SRD5A2: variants seen among roughly 807,000 people sequenced by gnomAD.
SRD5A2 encodes steroid 5 alpha-reductase 2.
SRD5A2 carries 30 observed loss-of-function variants against 27.4 expected under a neutral mutation model. That is an observed-to-expected ratio of 1.10 (90% CI 0.82 to 1.49). The LOEUF is 1.49. Among genes scored for constraint, SRD5A2 ranks in the 40% most tolerant of loss-of-function variants. The probability of loss-of-function intolerance (pLI) is 0.00; values close to 1 mark genes in which losing one functional copy is unlikely to be tolerated. For synonymous variants in SRD5A2, 141 were observed against 133.6 expected (o/e 1.06, Z -0.38); for missense variants, 348 against 323.4 (o/e 1.08, Z -0.58).
At chr2:31,662,795 C>T in the SRD5A2 span, among the ~76,000 whole-genome samples, 2 of 152,260 alleles carry the variant, frequency 1.3e-5, no homozygotes, top group Admixed American at 1.3e-4. Flanking sequence ...GGGCACCCAC[C>T]AAAATCTCTA....
intron 1 of SRD5A2, among the ~76,000 whole-genome samples, chr2:31,536,630 C>T (rs1243552740): frequency 1.3e-5 from 2 of 152,266 alleles, no homozygotes; most frequent in East Asian, 1.9e-4. Context: ...CTAGATGTCC[C>T]GGAGAACAAA....
intron 1 of SRD5A2, among the ~76,000 whole-genome samples, chr2:31,562,078 A>C (rs143527715): frequency 1.2e-3 from 178 of 152,272 alleles, no homozygotes; most frequent in Non-Finnish European, 1.9e-3. Flanking sequence ...CATAACAGGC[A>C]CTTTCACTGT....
chr2:31,597,128 C>A, the SRD5A2 span, among the ~76,000 whole-genome samples: 2 of 152,034 alleles, frequency 1.3e-5, no homozygotes. Context: ...AAAACAGACA[C>A]ATAGACCAAT....
At chr2:31,582,072 A>T (rs1553329691), upstream of SRD5A2, among the ~76,000 whole-genome samples, 1 of 149,150 alleles carries the variant, frequency 6.7e-6, no homozygotes, top group Non-Finnish European at 1.5e-5. Flanking sequence ...CCTGCTGTTT[A>T]CCTCATTCTT....
At chr2:31,586,252 G>A in the SRD5A2 span, among the ~76,000 whole-genome samples, 1 of 152,068 alleles carries the variant, frequency 6.6e-6, no homozygotes, top group African/African-American at 2.4e-5. Context: ...AGAATGCCAG[G>A]TAGACTTCAA....
the SRD5A2 span, among the ~76,000 whole-genome samples, chr2:31,636,638 CTA>C: frequency 6.6e-6 from 1 of 151,846 alleles, no homozygotes; most frequent in African/African-American, 2.4e-5. Flanking sequence ...TTTTCTAAAA[CTA>C]TGTCCCTCCT....
At chr2:31,557,343 C>T (rs1030049068) in intron 1 of SRD5A2, among the ~76,000 whole-genome samples, 9 of 152,306 alleles carry the variant, frequency 5.9e-5, no homozygotes, top group East Asian at 1.9e-4. Context: ...ATAATGACTC[C>T]CAGTGGCAGA....
intron 1 of SRD5A2, chr2:31,563,156 GTCT>G (rs1243976730): frequency 1.3e-5 from 2 of 152,054 alleles, no homozygotes; most frequent in Non-Finnish European, 2.9e-5. Flanking sequence ...ATCCCACTTA[GTCT>G]TCTAAGTAAA....
At position 31,525,640 on chromosome 2, in the gene SRD5A2, A is replaced by T; in HGVS notation, c.*556T>A. The stretch of plus-strand genomic sequence containing the variant: ...CTATGAGGAGAGGGCTCCTGTATTC[A>T]AGGTCTACCTAATAATTTCTCATCT... On this transcript the variant is annotated 3_prime_UTR_variant, in exon 5 of 5. Transcript: ENST00000622030. 1 of 227,918 alleles carries T rather than the reference A, an allele frequency of 4.4e-6. No individual in the cohort carries two copies. The highest frequency in any genetic ancestry group is 6.3e-5 in the East Asian group (1 of 15,922). The allele number at this position is 227,918 out of a possible 1,614,324, so 14.1% of individuals were successfully genotyped here. A position where few individuals can be genotyped will look rare whatever the true frequency, so the allele number is the denominator to read the frequency against.
At chr2:31,642,357 T>C in the SRD5A2 span, among the ~76,000 whole-genome samples, 10 of 152,162 alleles carry the variant, frequency 6.6e-5, no homozygotes, top group African/African-American at 2.4e-4. Flanking sequence ...ACCAAGTCCT[T>C]GCATCTGAAT....
chr2:31,635,838 C>T, the SRD5A2 span, among the ~76,000 whole-genome samples: 5 of 152,032 alleles, frequency 3.3e-5, no homozygotes, highest in African/African-American at 1.2e-4. Context: ...CTTGGTACTC[C>T]TTTCAAAGAT....
chr2:31,541,599 C>T (rs1666130668), intron 1 of SRD5A2, among the ~76,000 whole-genome samples: 1 of 151,570 alleles, frequency 6.6e-6, no homozygotes, highest in Non-Finnish European at 1.5e-5. Context: ...ACACAAAAAG[C>T]ACCTTCGTAA....
At chr2:31,633,983 G>A in the SRD5A2 span, among the ~76,000 whole-genome samples, 1 of 152,146 alleles carries the variant, frequency 6.6e-6, no homozygotes, top group African/African-American at 2.4e-5. Flanking sequence ...GGCAAAAACA[G>A]GAGGTAAAGA....
At chr2:31,572,060 T>C (rs2366065) in intron 1 of SRD5A2, among the ~76,000 whole-genome samples, 152,372 of 152,372 alleles carry the variant, frequency 1, 76,186 homozygotes, top group Non-Finnish European at 1. Flanking sequence ...TTCACAACAG[T>C]CAAGACATGA....
chr2:31,556,190 T>C (rs1666490570), intron 1 of SRD5A2, among the ~76,000 whole-genome samples: 1 of 152,166 alleles, frequency 6.6e-6, no homozygotes, highest in South Asian at 2.1e-4. Flanking sequence ...GTTTGTATAT[T>C]TGGATGGTAC....
chr2:31,647,986 C>T, the SRD5A2 span, among the ~76,000 whole-genome samples: 10 of 152,106 alleles, frequency 6.6e-5, no homozygotes, highest in Admixed American at 1.3e-4. Flanking sequence ...CTTTTGTAGA[C>T]GAGTTCCTAG....
chr2:31,597,493 GA>G, the SRD5A2 span, among the ~76,000 whole-genome samples: 1 of 151,946 alleles, frequency 6.6e-6, no homozygotes, highest in African/African-American at 2.4e-5. Flanking sequence ...CATAGCAAAA[GA>G]AACAATCAGC....
chr2:31,560,559 T>C (rs1016548684), intron 1 of SRD5A2, among the ~76,000 whole-genome samples: 20 of 152,234 alleles, frequency 1.3e-4, no homozygotes. Flanking sequence ...CTTTGCCCAA[T>C]ATAGGCCCCT....
chr2:31,659,166 T>C, the SRD5A2 span, among the ~76,000 whole-genome samples: 7 of 152,136 alleles, frequency 4.6e-5, no homozygotes, highest in Non-Finnish European at 5.9e-5. Flanking sequence ...AAACTAGGCA[T>C]TGAAGGAACA....
Sources: gnomAD v4.1 joint callset for allele counts (sites outside exome capture counted in the v4.1 genomes callset) on GRCh38, gnomAD v4.1.1 for gene constraint, MANE v1.5 for transcripts, NCBI Gene and HGNC (gene_info 2026-07-23, HGNC 2026-07-21) for gene names.